DERL3: variants seen among roughly 807,000 people sequenced by gnomAD.
DERL3 encodes the protein derlin 3.
In DERL3, 20 loss-of-function variants were observed where a neutral mutation model predicts 23.8. The ratio of observed to expected loss-of-function variants is 0.84; its 90% CI spans 0.59 to 1.22. The LOEUF (loss-of-function observed/expected upper bound fraction) is 1.22. Among genes scored for constraint, DERL3 ranks in the 50% most tolerant of loss-of-function variants. The pLI is 0.00. For synonymous variants in DERL3, 145 were observed against 132.5 expected (o/e 1.09, Z -0.65); for missense variants, 319 against 304.1 (o/e 1.05, Z -0.36).
Position 23,834,719 on chromosome 22 carries a change from C to T in DERL3, c.*2150G>A, listed in dbSNP as rs1332138766. 1 of 1,419,110 alleles carries T rather than the reference C, an allele frequency of 7.0e-7. No homozygotes were observed. The highest frequency in any genetic ancestry group is 1.4e-5 in the African/African-American group (1 of 70,234). 87.9% of individuals were successfully genotyped at this position (1,419,110 alleles called of 1,614,324 possible). A position where few individuals can be genotyped will look rare whatever the true frequency, so the allele number is the denominator to read the frequency against. On this transcript the variant is annotated 3_prime_UTR_variant, in exon 7 of 7. Coordinates refer to ENST00000318109, the MANE Select transcript of DERL3 (RefSeq NM_001002862.3). The stretch of plus-strand genomic sequence containing the variant: ...TCAGCTCCTCTCAGCTCCCCTCAGC[C>T]TGTTCTCCTTCCAGACCCAGAGAGC...
In DERL3 at chr22:23,836,717, G is replaced by A. The variant is rs2031076355; in HGVS notation, c.*152C>T. On this transcript the variant is annotated 3_prime_UTR_variant, in exon 7 of 7. Transcript: ENST00000318109. ...GGCCAGGTGAGATGGGGAAGCCAGT[G>A]CTGTGGGCCAAGAGACTGCAGCTCA... is the stretch of plus-strand genomic sequence containing the variant. 6 of 1,346,716 alleles carry A rather than the reference G, an allele frequency of 4.5e-6. No homozygotes were observed. Among genetic ancestry groups the A allele is most frequent in the Non-Finnish European group, 5.7e-6 (6 of 1,055,944 alleles). 83.4% of individuals were successfully genotyped at this position (1,346,716 alleles called of 1,614,324 possible). A position where few individuals can be genotyped will look rare whatever the true frequency, so the allele number is the denominator to read the frequency against.
In DERL3 at chr22:23,835,237, G is replaced by T; in HGVS notation, c.*1632C>A. The T allele has an allele frequency of 8.5e-7, 1 of 1,174,788 alleles. No homozygotes were observed. The highest frequency in any genetic ancestry group is 1.1e-6 in the Non-Finnish European group (1 of 951,088). The allele number at this position is 1,174,788 out of a possible 1,614,324, so 72.8% of individuals were successfully genotyped here. ...CCCCTCTGTTCTCATCTGTAATAGG[G>T]AGGTGTCCCCATTCTTCAGAATGGA... On this transcript the variant is annotated 3_prime_UTR_variant, in exon 7 of 7. Transcript: ENST00000318109.
Position 23,834,902 on chromosome 22 carries a change from G to A in DERL3, c.*1967C>T, listed in dbSNP as rs770029178. ...GCTGTGTCCAGATGGTCAGGCTACT[G>A]CCAGCTGGGGCCTTGCTGCTCTGAA... On this transcript the variant is annotated 3_prime_UTR_variant, in exon 7 of 7. Transcript: ENST00000318109. 9.3e-6 allele frequency: 15 copies of A among 1,611,512 alleles called. No homozygotes were observed. Among genetic ancestry groups the A allele is most frequent in the Non-Finnish European group, 1.3e-5 (15 of 1,179,600 alleles).
chr22:23,837,262 A>G, intron 5 of DERL3, 108 bp from the exon 6 acceptor site: 1 of 1,373,080 alleles, frequency 7.3e-7, no homozygotes, highest in African/African-American at 1.5e-5. Flanking sequence ...TGCAGGCCCC[A>G]CAGCATGAGT....
Position 23,837,118 on chromosome 22 carries a change from T to G in DERL3, c.560A>C (p.Asp187Ala). Residue 187 changes from aspartate to alanine, a missense_variant, in exon 6 of 7, where the codon GAC becomes GCC. Transcript: ENST00000318109. ...AVGHIYYFLE[D>A]VFPNQPGGKR... ...GCCTCCAGGCTGGTTGGGGAAGACG[T>G]CCTCCAGGAAGTAGTAGATATGGCC... 1 of 1,613,762 alleles carries G rather than the reference T, an allele frequency of 6.2e-7. No individual in the cohort carries two copies. The highest frequency in any genetic ancestry group is 8.5e-7 in the Non-Finnish European group (1 of 1,179,880).
chr22:23,836,655 C>A lies in DERL3; in HGVS notation c.*214G>T. On this transcript the variant is annotated 3_prime_UTR_variant, in exon 7 of 7. Transcript: ENST00000318109. ...ACCACCTGCAGTTGGGCTGAGAGGCCACACTGAGTGAGGACGGGGCAGGCA... is the reference window on the plus strand; with the variant it reads ...ACCACCTGCAGTTGGGCTGAGAGGCAACACTGAGTGAGGACGGGGCAGGCA... 7.9e-7 allele frequency: 1 copy of A among 1,260,512 alleles called. No homozygotes were observed. Among genetic ancestry groups the A allele is most frequent in the Non-Finnish European group, 9.9e-7 (1 of 1,007,818 alleles). 78.1% of individuals were successfully genotyped at this position (1,260,512 alleles called of 1,614,324 possible).
intron 4 of DERL3, 100 bp from the exon 5 acceptor site, chr22:23,837,954 G>GT: frequency 7.6e-7 from 1 of 1,311,302 alleles, no homozygotes; most frequent in Non-Finnish European, 1.0e-6. Context: ...TCTCCCCTAT[G>GT]TGCTATTCCC....
rs6003906 is a variant in DERL3, at chr22:23,837,862, A to G, written c.328-8T>C. Reference sequence around the variant, plus strand: ...GCCCAGGAGTCCCAGCAGCTGGGCCAGAGTCAAGGTGCTCCGGTGCAGGCC... The same window carrying G: ...GCCCAGGAGTCCCAGCAGCTGGGCCGGAGTCAAGGTGCTCCGGTGCAGGCC... On this transcript the variant is annotated splice_region_variant and splice_polypyrimidine_tract_variant and intron_variant, in intron 4 of 6. Transcript: ENST00000318109. 1.2e-6 allele frequency: 2 copies of G among 1,608,902 alleles called. No homozygotes were observed. The highest frequency in any genetic ancestry group is 1.7e-6 in the Non-Finnish European group (2 of 1,177,012).
In DERL3 at chr22:23,834,659, G is replaced by A; in HGVS notation, c.*2210C>T. ...CTCCTCTGCCTCAGATTCCCAAGTG[G>A]GCAGGTGGGGGTGAATGGGGCTCCG... is the stretch of plus-strand genomic sequence containing the variant. On this transcript the variant is annotated 3_prime_UTR_variant, in exon 7 of 7. Transcript: ENST00000318109. The A allele has an allele frequency of 1.0e-6, 1 of 970,644 alleles. No homozygotes were observed. The highest frequency in any genetic ancestry group is 1.5e-6 in the Non-Finnish European group (1 of 658,140). 60.1% of individuals were successfully genotyped at this position (970,644 alleles called of 1,614,324 possible). A position where few individuals can be genotyped will look rare whatever the true frequency, so the allele number is the denominator to read the frequency against.
In DERL3 at chr22:23,836,928, T is replaced by G. The variant is rs1390772646; in HGVS notation, c.649A>C (p.Asn217His). 7.1e-6 allele frequency: 11 copies of G among 1,555,570 alleles called. No individual in the cohort carries two copies. The highest frequency in any genetic ancestry group is 1.4e-5 in the African/African-American group (1 of 72,790). ...TGTTCCTCAGGGAGGGGCAGGTAAT[T>G]GGGGTCTTCTGCAGGGGCATCCAGG... is the stretch of plus-strand genomic sequence containing the variant. ...LLLDAPAEDP[N>H]YLPLPEEQPG... is the part of the protein sequence containing the mutation. The change falls in exon 7 of 7, where the codon AAT becomes CAT. Residue 217 changes from asparagine to histidine, a missense_variant. Coordinates refer to ENST00000318109, the MANE Select transcript of DERL3 (RefSeq NM_001002862.3).
At chr22:23,837,398 G>T in intron 5 of DERL3, 1 of 650,986 alleles carries the variant, frequency 1.5e-6, no homozygotes, top group Non-Finnish European at 2.6e-6. Context: ...GGAGCCATGG[G>T]GCAGGAACCC....
rs2031329104 is a variant in DERL3 at position 23,838,794 on chromosome 22, A to G, written c.94-18T>C. On this transcript the variant is annotated intron_variant, in intron 1 of 6. Coordinates refer to ENST00000318109, the MANE Select transcript of DERL3 (RefSeq NM_001002862.3). ...TCCAGCTGCTGTGGAACCAGGGGCCAGTCAAGAGCTGCCCGGGAGCCACGC... is the reference window on the plus strand; with the variant it reads ...TCCAGCTGCTGTGGAACCAGGGGCCGGTCAAGAGCTGCCCGGGAGCCACGC... 3.9e-6 allele frequency: 6 copies of G among 1,551,180 alleles called. No individual in the cohort carries two copies. The highest frequency in any genetic ancestry group is 3.6e-5 in the South Asian group (3 of 84,060).
chr22:23,837,471 G>T, intron 5 of DERL3, 188 bp downstream of exon 5: 1 of 684,802 alleles, frequency 1.5e-6, no homozygotes, highest in South Asian at 1.9e-5. Context: ...TCCTGACGAT[G>T]CAAATTATGT....
In DERL3 at chr22:23,835,166, C is replaced by G. The variant is rs2030943231; in HGVS notation, c.*1703G>C. Reference sequence around the variant, plus strand: ...GAGTTGACACGGTACAGGGAGGAGACACAGCCCAGGGTCCCTTCCCAGCCC... The same window carrying G: ...GAGTTGACACGGTACAGGGAGGAGAGACAGCCCAGGGTCCCTTCCCAGCCC... On this transcript the variant is annotated 3_prime_UTR_variant, in exon 7 of 7. Transcript: ENST00000318109. 1.5e-6 allele frequency: 2 copies of G among 1,303,618 alleles called. No individual in the cohort carries two copies. The highest frequency in any genetic ancestry group is 1.5e-5 in the African/African-American group (1 of 65,564). 80.8% of individuals were successfully genotyped at this position (1,303,618 alleles called of 1,614,324 possible). A position where few individuals can be genotyped will look rare whatever the true frequency, so the allele number is the denominator to read the frequency against.
intron 3 of DERL3, 47 bp downstream of exon 3, chr22:23,838,517 G>A (rs1250129979): frequency 3.2e-6 from 5 of 1,572,504 alleles, no homozygotes; most frequent in Non-Finnish European, 4.3e-6. Context: ...CTCCCAGCCC[G>A]GCCGGCCTGC....
Position 23,834,841 on chromosome 22 carries a change from C to A in DERL3, c.*2028G>T, listed in dbSNP as rs773044043. The A allele has an allele frequency of 1.4e-5, 23 of 1,612,004 alleles. 1 individual carries two copies. Among genetic ancestry groups the A allele is most frequent in the Non-Finnish European group, 1.9e-5 (23 of 1,179,490 alleles). On this transcript the variant is annotated 3_prime_UTR_variant, in exon 7 of 7. Coordinates refer to ENST00000318109, the MANE Select transcript of DERL3 (RefSeq NM_001002862.3). ...CTTGCTTGGCCTCAGGAAGGTGCCG[C>A]GAGCTCTCCTGCCGTCCCTGGGCCG...
intron 2 of DERL3, 31 bp downstream of exon 2, chr22:23,838,679 GC>G: frequency 4.3e-6 from 2 of 464,580 alleles, no homozygotes; most frequent in Non-Finnish European, 8.8e-6. Flanking sequence ...GGTGGGTCGG[GC>G]CCACAGGTGC....
intron 5 of DERL3, 176 bp downstream of exon 5, chr22:23,837,483 G>T: frequency 1.4e-6 from 1 of 705,224 alleles, no homozygotes; most frequent in South Asian, 1.9e-5. Context: ...AAATTATGTG[G>T]GCCGGCTGGC....
intron 4 of DERL3, 56 bp downstream of exon 4, chr22:23,838,296 C>T: frequency 6.4e-7 from 1 of 1,557,610 alleles, no homozygotes; most frequent in Non-Finnish European, 8.7e-7. Flanking sequence ...AGGACCAACA[C>T]AGGCTGGACG....
Sources: gnomAD v4.1 joint callset for allele counts on GRCh38, gnomAD v4.1.1 for gene constraint, MANE v1.5 for transcripts, NCBI Gene and HGNC (gene_info 2026-07-23, HGNC 2026-07-21) for gene names.